The following KCNH1 variants were observed in gnomAD, a reference collection of about 807,000 sequenced individuals.
KCNH1 encodes the protein potassium voltage-gated channel subfamily H member 1, also known as voltage-gated delayed rectifier potassium channel KCNH1.
Under a neutral mutation model 69.2 loss-of-function variants are expected in KCNH1, and 27 were observed. The ratio of observed to expected loss-of-function variants is 0.39; its 90% CI spans 0.29 to 0.54. KCNH1 has a LOEUF of 0.54. Ranked by LOEUF, KCNH1 falls within the 20% of genes least tolerant of loss-of-function variation. The pLI, the probability that KCNH1 is intolerant of heterozygous loss-of-function variation, is 0.68. For synonymous variants in KCNH1, 456 were observed against 487.7 expected (o/e 0.93, Z 0.86); for missense variants, 798 against 1,261.6 (o/e 0.63, Z 5.57).
chr1:210,898,981 G>A (rs1292839585), intron 7 of KCNH1, among the ~76,000 whole-genome samples: 1 of 152,080 alleles, frequency 6.6e-6, no homozygotes, highest in African/African-American at 2.4e-5. Context: ...TCCAGGGTTG[G>A]GCTCACAATG....
intron 6 of KCNH1, among the ~76,000 whole-genome samples, chr1:210,972,804 A>T (rs1436338253): frequency 1.3e-5 from 2 of 152,002 alleles, no homozygotes; most frequent in Admixed American, 1.3e-4. Context: ...GCAACAAGAA[A>T]ATCTCAGCCT....
chr1:210,715,035 G>T (rs1166961850), intron 10 of KCNH1, among the ~76,000 whole-genome samples: 1 of 152,184 alleles, frequency 6.6e-6, no homozygotes, highest in African/African-American at 2.4e-5. Flanking sequence ...AGGGCATGCA[G>T]CCAGGCCTGC....
At chr1:211,043,317 C>G (rs1210540619) in intron 5 of KCNH1, among the ~76,000 whole-genome samples, 1 of 152,186 alleles carries the variant, frequency 6.6e-6, no homozygotes, top group Non-Finnish European at 1.5e-5. Context: ...TTCAAGACTA[C>G]TATGAACACC....
chr1:210,882,068 T>C (rs919865271), intron 7 of KCNH1, among the ~76,000 whole-genome samples: 9 of 152,298 alleles, frequency 5.9e-5, no homozygotes, highest in Admixed American at 3.9e-4. Context: ...TCATCAATTT[T>C]AACAAATATA....
chr1:210,798,984 C>A (rs1292721016), intron 8 of KCNH1, among the ~76,000 whole-genome samples: 1 of 151,264 alleles, frequency 6.6e-6, no homozygotes, highest in Non-Finnish European at 1.5e-5. Context: ...GAGGATGAAG[C>A]AGCAAAAAAT....
At chr1:210,762,940 A>T (rs1295550939) in intron 10 of KCNH1, among the ~76,000 whole-genome samples, 1 of 152,162 alleles carries the variant, frequency 6.6e-6, no homozygotes, top group African/African-American at 2.4e-5. Context: ...CTACAGATCA[A>T]TATCTCTGAT....
intron 10 of KCNH1, among the ~76,000 whole-genome samples, chr1:210,764,219 C>A (rs568770899): frequency 6.6e-6 from 1 of 152,172 alleles, no homozygotes; most frequent in South Asian, 2.1e-4. Flanking sequence ...GAAATTAACA[C>A]AAGATGAATT....
At chr1:211,044,860 T>TA (rs1690064027) in intron 5 of KCNH1, among the ~76,000 whole-genome samples, 1 of 151,694 alleles carries the variant, frequency 6.6e-6, no homozygotes, top group African/African-American at 2.4e-5. Flanking sequence ...CTTAAAGAAC[T>TA]AAAAGTAGAA....
chr1:210,788,719 C>T (rs1401399715), intron 9 of KCNH1, among the ~76,000 whole-genome samples: 7 of 92,202 alleles, frequency 7.6e-5, no homozygotes, highest in Non-Finnish European at 1.1e-4. Flanking sequence ...TTTTTTGAGA[C>T]GGAGTCTCGC....
At position 211,133,567 on chromosome 1, in the gene KCNH1, T is replaced by G. The variant is rs1691916331; in HGVS notation, c.79+300A>C. Among the ~76,000 whole-genome samples the G allele has an allele frequency of 6.6e-6, 1 of 152,080 alleles. No individual in the cohort carries two copies. The highest frequency in any genetic ancestry group is 1.5e-5 in the Non-Finnish European group (1 of 67,992). On this transcript the variant is annotated intron_variant, in intron 1 of 10. Transcript: ENST00000271751. The surrounding 1 kb of genome is among the most constrained non-coding windows in gnomAD (Gnocchi z 5.4). ...CGGCTGCAGCCAGCTTTCCATCACT[T>G]TTCCCAGTACTTTGCTCAGCAGCTG...
At chr1:210,993,490 G>A (rs1171561010) in intron 6 of KCNH1, among the ~76,000 whole-genome samples, 2 of 152,146 alleles carry the variant, frequency 1.3e-5, no homozygotes, top group African/African-American at 4.8e-5. Context: ...CTCCATCGTT[G>A]ATTGTCAATA....
chr1:211,123,466 G>A (rs1002951451), intron 1 of KCNH1, among the ~76,000 whole-genome samples: 5 of 152,178 alleles, frequency 3.3e-5, no homozygotes, highest in African/African-American at 1.2e-4. Context: ...AGAAAGACAG[G>A]CAGATGGGCA....
intron 10 of KCNH1, among the ~76,000 whole-genome samples, chr1:210,771,376 C>A (rs1438244860): frequency 2.0e-5 from 3 of 152,158 alleles, no homozygotes; most frequent in Non-Finnish European, 4.4e-5. Context: ...AAACAGTGGG[C>A]AAATGCTGAC....
At chr1:211,028,634 A>G (rs573134106) in intron 5 of KCNH1, among the ~76,000 whole-genome samples, 1 of 151,926 alleles carries the variant, frequency 6.6e-6, no homozygotes, top group South Asian at 2.1e-4. Flanking sequence ...TGGAGACATA[A>G]AAAAAAATAA....
At chr1:210,800,084 TAC>T (rs1369291460) in intron 8 of KCNH1, among the ~76,000 whole-genome samples, 2 of 152,210 alleles carry the variant, frequency 1.3e-5, no homozygotes, top group African/African-American at 4.8e-5. Flanking sequence ...ATTCAGTAAG[TAC>T]AGATGCCCTT....
chr1:211,076,937 C>G (rs187859086), intron 5 of KCNH1, among the ~76,000 whole-genome samples: 11 of 152,274 alleles, frequency 7.2e-5, no homozygotes, highest in Non-Finnish European at 1.6e-4. Context: ...AGCTGAAAAC[C>G]ATGGCACAAG....
At chr1:210,686,756 C>A (rs1403046067) in intron 10 of KCNH1, among the ~76,000 whole-genome samples, 1 of 152,170 alleles carries the variant, frequency 6.6e-6, no homozygotes, top group Non-Finnish European at 1.5e-5. Flanking sequence ...TCCTTGTAAG[C>A]AACAATTCCT....
At chr1:211,025,882 T>G (rs1689673702) in intron 5 of KCNH1, among the ~76,000 whole-genome samples, 1 of 152,166 alleles carries the variant, frequency 6.6e-6, no homozygotes, top group Non-Finnish European at 1.5e-5. Context: ...CTGTAAATCA[T>G]GTGCTTAATG....
chr1:210,867,844 T>C (rs182088391), intron 7 of KCNH1, among the ~76,000 whole-genome samples: 2 of 152,202 alleles, frequency 1.3e-5, no homozygotes, highest in Admixed American at 1.3e-4. Context: ...GTGTCATGCA[T>C]ATCTCTAATA....
Sources: gnomAD v4.1 joint callset for allele counts (sites outside exome capture counted in the v4.1 genomes callset) on GRCh38, gnomAD v4.1.1 for gene constraint, Gnocchi (gnomAD v3.1) non-coding constraint, MANE v1.5 for transcripts, NCBI Gene and HGNC (gene_info 2026-07-23, HGNC 2026-07-21) for gene names.